Variants in AFF3 observed in about 807,000 individuals in gnomAD.
AFF3 encodes ALF transcription elongation factor 3, also known as AF4/FMR2 family member 3.
A neutral mutation model predicts 129.7 loss-of-function variants in AFF3; 32 were observed. That is an observed-to-expected ratio of 0.25 (90% confidence interval 0.19 to 0.33). The LOEUF (loss-of-function observed/expected upper bound fraction) is 0.33, where lower values mean the gene tolerates loss of function less well. Ranked by LOEUF, AFF3 falls within the 10% of genes least tolerant of loss-of-function variation. The pLI is 1.00. For missense variants in AFF3, 1,373 were observed against 1,592.0 expected (o/e 0.86, Z 2.34); for synonymous variants, 644 against 635.4 (o/e 1.01, Z -0.20).
At position 99,892,640 on chromosome 2, in the gene AFF3, C is replaced by A. The variant is rs1161573960; in HGVS notation, c.874-55116G>T. On this transcript the variant is annotated intron_variant, in intron 7 of 24. Coordinates refer to ENST00000672756, the MANE Select transcript of AFF3 (RefSeq NM_001386135.1). Reference sequence around the variant, plus strand: ...ATCAACCTGCTCTCAAATTCCAGCTCCTTCTACTCGCATTCCCTCCCCAGC... The same window carrying A: ...ATCAACCTGCTCTCAAATTCCAGCTACTTCTACTCGCATTCCCTCCCCAGC... 2.0e-5 allele frequency among the ~76,000 whole-genome samples: 3 copies of A among 152,166 alleles called. No homozygotes were observed. In the South Asian group the frequency reaches 6.2e-4, roughly 32 times the overall value.
intron 2 of AFF3, among the ~76,000 whole-genome samples, chr2:100,128,562 A>G (rs1296891733): frequency 2.0e-5 from 3 of 152,202 alleles, no homozygotes; most frequent in East Asian, 3.9e-4. Context: ...CTGGAGATTA[A>G]TAAACGTTGG....
chr2:99,601,536 AGCTGCTGCTGCCGCT>A lies in AFF3; in HGVS notation c.1255_1269del (p.Gly420_Ser424del). On this transcript the variant is annotated inframe_deletion, in exon 14 of 25. Coordinates refer to ENST00000672756, the MANE Select transcript of AFF3 (RefSeq NM_001386135.1). ...GAGCTGCTCTCTGAGTCGCTGGAGG[AGCTGCTGCTGCCGCT>A]GCTGCTGCTGCTGCTGCTGCCCTTG... 2 of 1,603,510 alleles carry A rather than the reference AGCTGCTGCTGCCGCT, an allele frequency of 1.2e-6. No individual in the cohort carries two copies. The highest frequency in any genetic ancestry group is 1.7e-6 in the Non-Finnish European group (2 of 1,176,464).
At chr2:99,853,000 C>A (rs1177222513) in intron 7 of AFF3, among the ~76,000 whole-genome samples, 1 of 152,002 alleles carries the variant, frequency 6.6e-6, no homozygotes, top group African/African-American at 2.4e-5. Flanking sequence ...GAGAAAAAAA[C>A]ATCACAGGTT....
At chr2:99,971,213 G>T (rs896720285) in intron 7 of AFF3, among the ~76,000 whole-genome samples, 1 of 152,072 alleles carries the variant, frequency 6.6e-6, no homozygotes, top group Non-Finnish European at 1.5e-5. Context: ...ATTCTTGCCC[G>T]TCCAGTTCCT....
chr2:99,970,673 C>A (rs1678272154), intron 7 of AFF3, among the ~76,000 whole-genome samples: 1 of 152,132 alleles, frequency 6.6e-6, no homozygotes, highest in African/African-American at 2.4e-5. Flanking sequence ...AAGCCTCTAA[C>A]CCTCCTTCTC....
At chr2:99,897,896 C>G (rs573853792) in intron 7 of AFF3, among the ~76,000 whole-genome samples, 8 of 152,236 alleles carry the variant, frequency 5.3e-5, no homozygotes, top group Non-Finnish European at 1.2e-4. Flanking sequence ...AGCCCCAGAA[C>G]TCTAATGCAA....
At chr2:99,640,665 G>A (rs1481238960) in intron 13 of AFF3, among the ~76,000 whole-genome samples, 2 of 151,798 alleles carry the variant, frequency 1.3e-5, no homozygotes. Context: ...CAGCATAAAT[G>A]AGTGGCATAA....
chr2:99,974,432 G>GACTGCAT (rs1226959804), intron 7 of AFF3, among the ~76,000 whole-genome samples: 2 of 152,164 alleles, frequency 1.3e-5, no homozygotes, highest in Non-Finnish European at 2.9e-5. Flanking sequence ...TTCTGACACT[G>GACTGCAT]ACTGCATGAC....
At chr2:99,770,849 A>G (rs1683421772) in intron 8 of AFF3, among the ~76,000 whole-genome samples, 1 of 152,268 alleles carries the variant, frequency 6.6e-6, no homozygotes, top group Middle Eastern at 3.4e-3. Context: ...GGCTGAGCTG[A>G]TAACCAAGAT....
chr2:99,770,915 G>A (rs533976511), intron 8 of AFF3, among the ~76,000 whole-genome samples: 1 of 152,136 alleles, frequency 6.6e-6, no homozygotes, highest in African/African-American at 2.4e-5. Context: ...GAAGGAAGGG[G>A]TCTCTTTTGA....
intron 16 of AFF3, among the ~76,000 whole-genome samples, chr2:99,583,294 C>T (rs1575423870): frequency 6.6e-6 from 1 of 152,174 alleles, no homozygotes; most frequent in East Asian, 1.9e-4. Context: ...CCAAGGATCT[C>T]AAAATACCCA....
At chr2:99,718,923 TG>T (rs1678625210) in intron 11 of AFF3, among the ~76,000 whole-genome samples, 1 of 152,012 alleles carries the variant, frequency 6.6e-6, no homozygotes, top group African/African-American at 2.4e-5. Flanking sequence ...GCTAATTTTT[TG>T]TATTTTTAGT....
chr2:99,878,520 T>C (rs1692467199), intron 7 of AFF3, among the ~76,000 whole-genome samples: 1 of 152,218 alleles, frequency 6.6e-6, no homozygotes, highest in Admixed American at 6.5e-5. Context: ...AACAAGTAGA[T>C]TTTAATAAAA....
At chr2:99,587,050 C>T in intron 16 of AFF3, 104 bp downstream of exon 16, 1 of 1,491,870 alleles carries the variant, frequency 6.7e-7, no homozygotes, top group South Asian at 1.3e-5. Flanking sequence ...CAGACCTTGA[C>T]CAGAGTAGTC....
intron 13 of AFF3, among the ~76,000 whole-genome samples, chr2:99,624,138 G>T (rs964528097): frequency 6.6e-6 from 1 of 152,080 alleles, no homozygotes; most frequent in Admixed American, 6.5e-5. Flanking sequence ...CTACCTCCAA[G>T]GTTCTGGGGA....
chr2:99,929,157 G>A (rs556773011), intron 7 of AFF3, among the ~76,000 whole-genome samples: 31 of 152,148 alleles, frequency 2.0e-4, no homozygotes, highest in East Asian at 1.2e-3. Flanking sequence ...GAGAAACCCC[G>A]TCTCTACTAA....
At chr2:100,114,037 A>G (rs991831548) in intron 2 of AFF3, among the ~76,000 whole-genome samples, 3 of 152,172 alleles carry the variant, frequency 2.0e-5, no homozygotes, top group Admixed American at 1.3e-4. Flanking sequence ...TAAGCAGGAA[A>G]CCAAGATCAG....
chr2:99,924,044 C>A (rs1206449569), intron 7 of AFF3, among the ~76,000 whole-genome samples: 5 of 151,986 alleles, frequency 3.3e-5, no homozygotes, highest in Non-Finnish European at 7.4e-5. Context: ...TATGAATCGG[C>A]CTGCTAGATA....
intron 7 of AFF3, among the ~76,000 whole-genome samples, chr2:99,915,819 T>C (rs935657031): frequency 2.0e-5 from 3 of 152,208 alleles, no homozygotes; most frequent in African/African-American, 7.2e-5. Flanking sequence ...AATATCTTTT[T>C]CAAATTTTTA....
Sources: allele counts gnomAD v4.1 joint callset (sites outside exome capture counted in the v4.1 genomes callset), GRCh38; gene constraint gnomAD v4.1.1; transcripts MANE v1.5; gene names NCBI Gene and HGNC (gene_info 2026-07-23, HGNC 2026-07-21).